Variants in EPPK1 observed in about 807,000 individuals in gnomAD.
The protein encoded by EPPK1 is epiplakin.
For synonymous variants in EPPK1, 1,862 were observed against 1,721.2 expected (o/e 1.08, Z -2.03); for missense variants, 3,823 against 3,673.3 (o/e 1.04, Z -1.05).
chr8:143,867,650 C>T lies in EPPK1; in HGVS notation c.5604G>A (p.Lys1868=), dbSNP rs782559655. The T allele has an allele frequency of 6.2e-7, 1 of 1,613,438 alleles. No individual in the cohort carries two copies. Among genetic ancestry groups the T allele is most frequent in the Admixed American group, 1.7e-5 (1 of 60,032 alleles). The part of the protein sequence containing the change: ...DLFNSRVIDQ[K]TLHTLRVGRT... ...TCCCCACACGAAGTGTGTGCAGGGT[C>T]TTCTGATCGATGACCCTGGAGTTGA... The change falls in exon 2 of 2, where the codon AAG becomes AAA. Residue 1868 remains lysine, a synonymous_variant. Transcript: ENST00000615648.
chr8:143,877,737 C>T (rs377290807), intron 1 of EPPK1, among the ~76,000 whole-genome samples: 1 of 152,082 alleles, frequency 6.6e-6, no homozygotes, highest in Admixed American at 6.5e-5. Flanking sequence ...TGTGGGAAGA[C>T]CCCACCCACC....
In EPPK1 at chr8:143,871,717, G is replaced by A; in HGVS notation, c.1537C>T (p.Leu513=). 6.2e-7 allele frequency: 1 copy of A among 1,608,480 alleles called. No individual in the cohort carries two copies. The part of the protein sequence containing the change: ...FRGRPVSLWE[L]LFSEAISSEQ... ...GAGGAGATGGCCTCAGAGAAGAGCAGCTCCCAGAGGGACACGGGCCGGCCC... is the reference window on the plus strand; with the variant it reads ...GAGGAGATGGCCTCAGAGAAGAGCAACTCCCAGAGGGACACGGGCCGGCCC... The change falls in exon 2 of 2, where the codon CTG becomes TTG. Residue 513 remains leucine, a synonymous_variant. Coordinates refer to ENST00000615648, the MANE Select transcript of EPPK1 (RefSeq NM_031308.4).
At position 143,868,404 on chromosome 8, in the gene EPPK1, G is replaced by A. The variant is rs782119648; in HGVS notation, c.4850C>T (p.Pro1617Leu). ...CACGGTCAGCTTCCGGTTCTCCACG[G>A]GGTCGATGATGAAGCCGGTAGCTGC... The part of the protein sequence containing the change: ...AQAATGFIID[P>L]VENRKLTVEE... The change falls in exon 2 of 2, where the codon CCC (proline) becomes CTC (leucine). Residue 1617 changes from proline to leucine, a missense_variant. Transcript: ENST00000615648. 5 of 1,612,526 alleles carry A rather than the reference G, an allele frequency of 3.1e-6. No homozygotes were observed. Among genetic ancestry groups the A allele is most frequent in the African/African-American group, 1.3e-5 (1 of 74,934 alleles).
chr8:143,868,092 G>A lies in EPPK1; in HGVS notation c.5162C>T (p.Pro1721Leu). ...GAAGAAGCCCTTGGTGTCGTCGCTG[G>A]GGTCCGCCAGGATGCGGTTCATCTC... The part of the protein sequence containing the change: ...DEEMNRILAD[P>L]SDDTKGFFDP... The change falls in exon 2 of 2, where the codon CCC becomes CTC. Residue 1721 changes from proline (P) to leucine (L), a missense_variant. Pro to Leu is a moderately conservative substitution (Grantham distance 98). Transcript: ENST00000615648. The A allele has an allele frequency of 6.2e-7, 1 of 1,613,398 alleles. No homozygotes were observed. The highest frequency in any genetic ancestry group is 8.5e-7 in the Non-Finnish European group (1 of 1,180,018).
In EPPK1 at chr8:143,869,975, C is replaced by T. The variant is rs368672033; in HGVS notation, c.3279G>A (p.Thr1093=). The T allele has an allele frequency of 3.1e-6, 5 of 1,606,302 alleles. No individual in the cohort carries two copies. The highest frequency in any genetic ancestry group is 4.5e-5 in the East Asian group (2 of 44,764). ...ACTCCTCCAGGAGCTGGGCATAGCTCGTGCGCCCCTGGCCGTCCGGTGTGG... is the reference window on the plus strand; with the variant it reads ...ACTCCTCCAGGAGCTGGGCATAGCTTGTGCGCCCCTGGCCGTCCGGTGTGG... The part of the protein sequence containing the change: ...TFPTPDGQGR[T]SYAQLLEECP... Residue 1093 remains threonine (T), a synonymous_variant, in exon 2 of 2, where the codon ACG becomes ACA. Transcript: ENST00000615648.
chr8:143,873,079 C>A lies in EPPK1; in HGVS notation c.175G>T (p.Ala59Ser). Residue 59 changes from alanine (A) to serine (S), a missense_variant, in exon 2 of 2, where the codon GCC becomes TCC. Ala to Ser is a moderately conservative substitution (Grantham distance 99). Transcript: ENST00000615648. Reference protein sequence around the residue: ...EASGQAQSVYAAMEQGLLPAG... With the variant: ...EASGQAQSVYSAMEQGLLPAG... ...GGCAGGAGGCCCTGCTCCATGGCGG[C>A]GTAGACACTCTGGGCCTGGCCCGAG... The A allele has an allele frequency of 1.3e-6, 2 of 1,555,132 alleles. No individual in the cohort carries two copies. Among genetic ancestry groups the A allele is most frequent in the Middle Eastern group, 1.7e-4 (1 of 5,806 alleles).
At position 143,869,702 on chromosome 8, in the gene EPPK1, C is replaced by A; in HGVS notation, c.3552G>T (p.Gln1184His). 1.3e-6 allele frequency: 2 copies of A among 1,595,892 alleles called. No individual in the cohort carries two copies. Among genetic ancestry groups the A allele is most frequent in the East Asian group, 2.3e-5 (1 of 43,742 alleles). ...GGGCCTGGGCCAGGAGCTTGGTCTC[C>A]TGTACCCACCTCTGCACAGAGGCTA... Reference protein sequence around the residue: ...QLLASVQRWVQETKLLAQARV... With the variant: ...QLLASVQRWVHETKLLAQARV... Residue 1184 changes from glutamine to histidine, a missense_variant, in exon 2 of 2, where the codon CAG becomes CAT. Physicochemically the swap from Gln to His is conservative, Grantham distance 24. Coordinates refer to ENST00000615648, the MANE Select transcript of EPPK1 (RefSeq NM_031308.4).
Position 143,867,246 on chromosome 8 carries a change from G to T in EPPK1, c.6008C>A (p.Ala2003Glu). The change falls in exon 2 of 2, where the codon GCA becomes GAA. Residue 2003 changes from alanine (A) to glutamate (E), a missense_variant. Transcript: ENST00000615648. ...CACCTGCACCTCCAGCAGCCTCAGT[G>T]CCTCCGCCTTCTCGATGAGCTGCTT... ...MQKQLIEKAE[A>E]LRLLEVQVAT... 1 of 1,612,706 alleles carries T rather than the reference G, an allele frequency of 6.2e-7. No homozygotes were observed. Among genetic ancestry groups the T allele is most frequent in the Non-Finnish European group, 8.5e-7 (1 of 1,179,796 alleles).
Position 143,868,476 on chromosome 8 carries a change from C to T in EPPK1, c.4778G>A (p.Arg1593Lys). 3.1e-6 allele frequency: 5 copies of T among 1,612,176 alleles called. No individual in the cohort carries two copies. The highest frequency in any genetic ancestry group is 4.2e-6 in the Non-Finnish European group (5 of 1,179,686). ...GGCTGTGCCAGGCCGCAGGATGTGC[C>T]TCCTCAGGGCCTCTGGGATGCTCAT... ...ERMSIPEALR[R>K]HILRPGTALV... Residue 1593 changes from arginine to lysine, a missense_variant, in exon 2 of 2, where the codon AGG becomes AAG. Coordinates refer to ENST00000615648, the MANE Select transcript of EPPK1 (RefSeq NM_031308.4).
rs370380367 is a variant in EPPK1 at position 143,868,151 on chromosome 8, C to T, written c.5103G>A (p.Val1701=). The T allele has an allele frequency of 7.9e-5, 128 of 1,613,084 alleles. No individual in the cohort carries two copies. Among genetic ancestry groups the T allele is most frequent in the Non-Finnish European group, 9.3e-6 (11 of 1,180,018 alleles). ...IDPVHSHRVP[V]DVAYRCGYFD... is the part of the protein sequence containing the mutation. Reference sequence around the variant, plus strand: ...AGTAGCCGCAGCGGTAGGCCACGTCCACGGGCACGCGGTGGCTGTGCACGG... The same window carrying T: ...AGTAGCCGCAGCGGTAGGCCACGTCTACGGGCACGCGGTGGCTGTGCACGG... The change falls in exon 2 of 2, where the codon GTG becomes GTA. Residue 1701 remains valine (V), a synonymous_variant. Coordinates refer to ENST00000615648, the MANE Select transcript of EPPK1 (RefSeq NM_031308.4).
Position 143,867,333 on chromosome 8 carries a change from G to C in EPPK1, c.5921C>G (p.Ala1974Gly). 1 of 1,612,786 alleles carries C rather than the reference G, an allele frequency of 6.2e-7. No individual in the cohort carries two copies. The highest frequency in any genetic ancestry group is 2.2e-5 in the East Asian group (1 of 44,874). The change falls in exon 2 of 2, where the codon GCT becomes GGT. Residue 1974 changes from alanine (A) to glycine (G), a missense_variant. Transcript: ENST00000615648. Reference protein sequence around the residue: ...LRERLLKAERAATGYRDPATG... With the variant: ...LRERLLKAERGATGYRDPATG... ...GGCCGGATCCCTGTAGCCCGTGGCA[G>C]CTCTTTCAGCCTTCAGGAGCCTCTC...
Position 143,872,830 on chromosome 8 carries a change from C to CA in EPPK1, c.423dup (p.Val142CysfsTer31). The CA allele has an allele frequency of 6.4e-7, 1 of 1,562,650 alleles. No individual in the cohort carries two copies. Among genetic ancestry groups the CA allele is most frequent in the South Asian group, 1.2e-5 (1 of 83,064 alleles). On this transcript the variant is annotated frameshift_variant, in exon 2 of 2. Coordinates refer to ENST00000615648, the MANE Select transcript of EPPK1 (RefSeq NM_031308.4). LOFTEE classifies it low-confidence loss of function (END_TRUNC). The stretch of plus-strand genomic sequence containing the variant: ...CAGCTCTGCCCCAGGGCCCTGTCCA[C>CA]AACCTCCTTCCCGATGGCCTGAAAG...
At position 143,876,783 on chromosome 8, in the gene EPPK1, C is replaced by T. The variant is rs572149761; in HGVS notation, c.-46+1655G>A. Among the ~76,000 whole-genome samples the T allele has an allele frequency of 2.0e-5, 3 of 152,312 alleles. No homozygotes were observed. The East Asian group carries it at 5.8e-4, about 29-fold the overall frequency. On this transcript the variant is annotated intron_variant, in intron 1 of 1. Transcript: ENST00000615648. ...TAGGGGGTCAGGGCCCTGCCCTGTC[C>T]CCTGACATCCGGCCAGGGATGGCGG...
Position 143,874,755 on chromosome 8 carries a change from T to C in EPPK1, c.-45-1457A>G, listed in dbSNP as rs1485631768. 5.3e-5 allele frequency among the ~76,000 whole-genome samples: 8 copies of C among 151,132 alleles called. No homozygotes were observed. In the South Asian group the frequency reaches 1.5e-3, roughly 28 times the overall value. On this transcript the variant is annotated intron_variant, in intron 1 of 1. Coordinates refer to ENST00000615648, the MANE Select transcript of EPPK1 (RefSeq NM_031308.4). Reference sequence around the variant, plus strand: ...TCTCAGCACTACGGGCCCCAGTCCCTCTCTTGATTCTCCCCCTCATTCCAG... The same window carrying C: ...TCTCAGCACTACGGGCCCCAGTCCCCCTCTTGATTCTCCCCCTCATTCCAG...
rs1554659105 is a variant in EPPK1 at position 143,866,651 on chromosome 8, T to G, written c.6603A>C (p.Glu2201Asp). Residue 2201 changes from glutamate to aspartate, a missense_variant, in exon 2 of 2, where the codon GAA (glutamate) becomes GAC (aspartate). Physicochemically the swap from Glu to Asp is conservative, Grantham distance 45. Transcript: ENST00000615648. ...IITEEMLQDL[E>D]TGRSTTQELM... is the part of the protein sequence containing the mutation. ...GCTCTTGCGTCGTGCTCCGTCCCGT[T>G]TCCAGGTCCTGGAGCATTTCCTCCG... is the stretch of plus-strand genomic sequence containing the variant. The G allele has an allele frequency of 1.2e-6, 2 of 1,613,098 alleles. No individual in the cohort carries two copies. Among genetic ancestry groups the G allele is most frequent in the Non-Finnish European group, 1.7e-6 (2 of 1,179,882 alleles).
In EPPK1 at chr8:143,871,840, G is replaced by A; in HGVS notation, c.1414C>T (p.Pro472Ser). The A allele has an allele frequency of 1.9e-6, 3 of 1,612,346 alleles. No individual in the cohort carries two copies. The highest frequency in any genetic ancestry group is 2.5e-6 in the Non-Finnish European group (3 of 1,179,844). Residue 472 changes from proline (P) to serine (S), a missense_variant, in exon 2 of 2, where the codon CCC (proline) becomes TCC (serine). Transcript: ENST00000615648. ...GGTCCCTGGGGCTCCCCTCCCCGGG[G>A]TCCCCCTGAGAGTGGCAGGAAGGCA... The part of the protein sequence containing the change: ...GLAFLPLSGG[P>S]RGGEPQGPPF...
rs1216177924 is a variant in EPPK1 at position 143,878,430 on chromosome 8, C to CGCCGCACCT, written c.-47_-46+7dup. On this transcript the variant is annotated splice_region_variant and intron_variant, in intron 1 of 1. Coordinates refer to ENST00000615648, the MANE Select transcript of EPPK1 (RefSeq NM_031308.4). ...CCGCACCCGCCGCACCCGCCGCACC[C>CGCCGCACCT]GCCGCACCTGCCCGCTCGCCGCTCG... The CGCCGCACCT allele has an allele frequency of 1.4e-5, 2 of 141,220 alleles. No homozygotes were observed. The highest frequency in any genetic ancestry group is 2.0e-4 in the East Asian group (1 of 4,966). 8.7% of individuals were successfully genotyped at this position (141,220 alleles called of 1,614,324 possible).
chr8:143,872,138 G>A lies in EPPK1; in HGVS notation c.1116C>T (p.Gly372=), dbSNP rs1554661454. ...TGGCCTGGAAAAGGGGGATTTGGGA[G>A]CCACTGAAGGGGTCGTGGTGCCCTG... ...AVTGHHDPFS[G]SQIPLFQAMK... Residue 372 remains glycine, a synonymous_variant, in exon 2 of 2, where the codon GGC becomes GGT. Transcript: ENST00000615648. The A allele has an allele frequency of 1.9e-6, 3 of 1,571,816 alleles. No individual in the cohort carries two copies. Among genetic ancestry groups the A allele is most frequent in the Admixed American group, 1.9e-5 (1 of 52,876 alleles).
In EPPK1 at chr8:143,870,209, G is replaced by T; in HGVS notation, c.3045C>A (p.Phe1015Leu). The change falls in exon 2 of 2, where the codon TTC (phenylalanine) becomes TTA (leucine). Residue 1015 changes from phenylalanine (F) to leucine (L), a missense_variant. Phe to Leu is a conservative substitution (Grantham distance 22, BLOSUM62 0). Coordinates refer to ENST00000615648, the MANE Select transcript of EPPK1 (RefSeq NM_031308.4). The surrounding 1 kb of genome is among the most constrained non-coding windows in gnomAD (Gnocchi z 5.2). ...GGAACACAGACACCTGCTTCCCAGA[G>T]AAGGGGTCTCTGAAGCCAGCAATGG... ...EGAIAGFRDP[F>L]SGKQVSVFQA... 6.2e-7 allele frequency: 1 copy of T among 1,609,910 alleles called. No individual in the cohort carries two copies.
Sources: allele counts gnomAD v4.1 joint callset (sites outside exome capture counted in the v4.1 genomes callset), GRCh38; gene constraint gnomAD v4.1.1; non-coding constraint Gnocchi (gnomAD v3.1); transcripts MANE v1.5; gene names NCBI Gene and HGNC (gene_info 2026-07-23, HGNC 2026-07-21).